C1QTNF2: variants seen among roughly 807,000 people sequenced by gnomAD.
C1QTNF2 encodes the protein C1q and TNF related 2, also known as complement C1q tumor necrosis factor-related protein 2.
C1QTNF2 carries 15 observed loss-of-function variants against 17.4 expected under a neutral mutation model. The observed-to-expected ratio is 0.86, with a 90% CI of 0.58 to 1.33. The LOEUF (loss-of-function observed/expected upper bound fraction) is 1.33, where lower values mean the gene tolerates loss of function less well. C1QTNF2 is among the 40% of genes most tolerant of loss of function. The probability of loss-of-function intolerance (pLI) is 0.00; values close to 1 mark genes in which losing one functional copy is unlikely to be tolerated. For synonymous variants in C1QTNF2, 154 were observed against 163.3 expected (o/e 0.94, Z 0.44); for missense variants, 381 against 392.3 (o/e 0.97, Z 0.24).
intron 1 of C1QTNF2, among the ~76,000 whole-genome samples, chr5:160,356,125 A>G (rs191158552): frequency 1.0e-4 from 16 of 152,384 alleles, no homozygotes; most frequent in Middle Eastern, 3.4e-3. Flanking sequence ...GACCCAGAGC[A>G]GAAATAAGCA....
rs770667542 is a variant in C1QTNF2, at chr5:160,354,782, T to TC, written c.229dup (p.Asp77GlyfsTer13). The TC allele has an allele frequency of 8.7e-6, 14 of 1,613,422 alleles. No homozygotes were observed. The highest frequency in any genetic ancestry group is 1.1e-5 in the Non-Finnish European group (13 of 1,179,876). Reference sequence around the variant, plus strand: ...AGGCCTCTTACCTTCCTCTCCGCTGTCCCCCCGGTCGCCGTCGTGTCCATC... The same window carrying TC: ...AGGCCTCTTACCTTCCTCTCCGCTGTCCCCCCCGGTCGCCGTCGTGTCCATC... On this transcript the variant is annotated frameshift_variant, in exon 2 of 3. Coordinates refer to ENST00000652664, the MANE Select transcript of C1QTNF2 (RefSeq NM_031908.6). LOFTEE classifies it high-confidence loss of function.
intron 1 of C1QTNF2, 32 bp from the exon 2 acceptor site, chr5:160,355,052 G>T: frequency 2.7e-6 from 4 of 1,502,168 alleles, no homozygotes; most frequent in Non-Finnish European, 3.6e-6. Flanking sequence ...TGACAGGTGA[G>T]TGTGGCCACC....
At chr5:160,353,650 C>T (rs1295823831) in intron 2 of C1QTNF2, among the ~76,000 whole-genome samples, 4 of 152,048 alleles carry the variant, frequency 2.6e-5, no homozygotes, top group South Asian at 2.1e-4. Flanking sequence ...AGATGTGGGC[C>T]GGAGCCCAGC....
rs1445139137 is a variant in C1QTNF2, at chr5:160,357,518, TTCTTTCCCTG to T, written c.-9-2508_-9-2499del. Among the ~76,000 whole-genome samples the T allele has an allele frequency of 2.0e-5, 3 of 151,306 alleles. No homozygotes were observed. The South Asian group carries it at 6.2e-4, about 31-fold the overall frequency. On this transcript the variant is annotated intron_variant, in intron 1 of 2. Coordinates refer to ENST00000652664, the MANE Select transcript of C1QTNF2 (RefSeq NM_031908.6). ...CTCCCCAGGCCCTGTGAATCACCAT[TTCTTTCCCTG>T]TCTACGTTAGGAGAGTCTTGGAAAA... is the stretch of plus-strand genomic sequence containing the variant.
Position 160,370,571 on chromosome 5 carries a change from C to T in C1QTNF2, c.-69G>A, listed in dbSNP as rs747271269. The T allele has an allele frequency of 1.4e-6, 2 of 1,447,134 alleles. No homozygotes were observed. The highest frequency in any genetic ancestry group is 5.7e-5 in the East Asian group (2 of 35,302). 89.6% of individuals were successfully genotyped at this position (1,447,134 alleles called of 1,614,324 possible). On this transcript the variant is annotated 5_prime_UTR_variant, in exon 1 of 3. Coordinates refer to ENST00000652664, the MANE Select transcript of C1QTNF2 (RefSeq NM_031908.6). ...GAGCAAAGAAGCTCTCGGCGGGGCT[C>T]CGCGTCCCGGCTTTCCTCAGCGGCA... is the stretch of plus-strand genomic sequence containing the variant.
At chr5:160,359,300 T>C (rs1365082148) in intron 1 of C1QTNF2, among the ~76,000 whole-genome samples, 2 of 146,122 alleles carry the variant, frequency 1.4e-5, no homozygotes, top group African/African-American at 5.1e-5. Context: ...CCCCTGCTAT[T>C]TTCCCCCCAT....
rs1049632409 is a variant in C1QTNF2 at position 160,354,603 on chromosome 5, T to A, written c.244+165A>T. 3.1e-3 allele frequency among the ~76,000 whole-genome samples: 71 copies of A among 23,216 alleles called. 1 individual carries two copies. The highest frequency in any genetic ancestry group is 8.7e-3 in the African/African-American group (66 of 7,562). The allele number at this position is 23,216 out of a possible 152,430, so 15.2% of individuals were successfully genotyped here. The stretch of plus-strand genomic sequence containing the variant: ...CAAGGGGAAAAAAAAAAAAAGTATA[T>A]ATATATATATATATATATATATATA... On this transcript the variant is annotated intron_variant, in intron 2 of 2. Transcript: ENST00000652664.
intron 1 of C1QTNF2, among the ~76,000 whole-genome samples, chr5:160,363,533 G>A (rs1764191324): frequency 6.6e-6 from 1 of 152,186 alleles, no homozygotes; most frequent in Admixed American, 6.5e-5. Context: ...CAGAAGCCAG[G>A]GGTTTGTCTC....
chr5:160,349,759 G>GTT lies in C1QTNF2; in HGVS notation c.265_266dup (p.Asn89LysfsTer69), dbSNP rs1763880751. 6.5e-7 allele frequency: 1 copy of GTT among 1,529,838 alleles called. No homozygotes were observed. The highest frequency in any genetic ancestry group is 1.4e-5 in the African/African-American group (1 of 72,274). The allele number at this position is 1,529,838 out of a possible 1,614,324, so 94.8% of individuals were successfully genotyped here. Reference sequence around the variant, plus strand: ...TGCCCTTTGGTCCTGGCTTTCCCCGGTTACCTGTCCGGCCAGGTGGACCTG... The same window carrying GTT: ...TGCCCTTTGGTCCTGGCTTTCCCCGGTTTTACCTGTCCGGCCAGGTGGACCTG... On this transcript the variant is annotated frameshift_variant, in exon 3 of 3. Transcript: ENST00000652664. LOFTEE classifies it high-confidence loss of function. This position sits in a 1 kb window ranked among gnomAD's most constrained non-coding sequence, Gnocchi z 4.3.
intron 1 of C1QTNF2, among the ~76,000 whole-genome samples, chr5:160,368,153 G>C (rs1000976803): frequency 1.3e-5 from 2 of 152,164 alleles, no homozygotes; most frequent in Non-Finnish European, 2.9e-5. Context: ...GTGTGTTATA[G>C]GAGTAAGCCA....
intron 1 of C1QTNF2, among the ~76,000 whole-genome samples, chr5:160,365,151 G>T (rs1037960603): frequency 6.6e-6 from 1 of 152,114 alleles, no homozygotes; most frequent in African/African-American, 2.4e-5. Context: ...TTTGTAATAG[G>T]CACCTAACAG....
At chr5:160,356,076 A>G (rs1156432876) in intron 1 of C1QTNF2, among the ~76,000 whole-genome samples, 1 of 152,208 alleles carries the variant, frequency 6.6e-6, no homozygotes, top group Admixed American at 6.5e-5. Flanking sequence ...ACCTGGAGGT[A>G]TCTACTCCCT....
At chr5:160,351,336 C>T (rs1053269833) in intron 2 of C1QTNF2, among the ~76,000 whole-genome samples, 4 of 152,140 alleles carry the variant, frequency 2.6e-5, no homozygotes, top group African/African-American at 9.7e-5. Context: ...TGAGTTCACT[C>T]GACACAAGGT....
At chr5:160,361,897 G>A (rs990830905) in intron 1 of C1QTNF2, among the ~76,000 whole-genome samples, 2 of 152,142 alleles carry the variant, frequency 1.3e-5, no homozygotes, top group Non-Finnish European at 2.9e-5. Context: ...GGCCCAATTT[G>A]TGATTATGTA....
intron 2 of C1QTNF2, among the ~76,000 whole-genome samples, chr5:160,351,030 G>T (rs1209652133): frequency 6.6e-6 from 1 of 152,182 alleles, no homozygotes; most frequent in Non-Finnish European, 1.5e-5. Flanking sequence ...GATTACAGGC[G>T]TGAGCCACCA....
rs765093148 is a variant in C1QTNF2 at position 160,370,601 on chromosome 5, C to CCGGG, written c.-103_-100dup. On this transcript the variant is annotated 5_prime_UTR_variant, in exon 1 of 3. The change abolishes the stop of an existing upstream ORF in the 5' untranslated region. Coordinates refer to ENST00000652664, the MANE Select transcript of C1QTNF2 (RefSeq NM_031908.6). The stretch of plus-strand genomic sequence containing the variant: ...TCCCGGCTTTCCTCAGCGGCAGCAG[C>CCGGG]CGGGCAGAGCGTCGGCCCCAGGCAT... The CCGGG allele has an allele frequency of 2.8e-6, 4 of 1,448,488 alleles. No homozygotes were observed. In the South Asian group the frequency reaches 4.4e-5, roughly 16 times the overall value. The allele number at this position is 1,448,488 out of a possible 1,614,324, so 89.7% of individuals were successfully genotyped here.
chr5:160,354,239 C>T (rs1468591971), intron 2 of C1QTNF2, among the ~76,000 whole-genome samples: 2 of 151,940 alleles, frequency 1.3e-5, no homozygotes, highest in Non-Finnish European at 2.9e-5. Flanking sequence ...AAAGGTGCAC[C>T]GGGGGCAGGA....
intron 2 of C1QTNF2, among the ~76,000 whole-genome samples, 171 bp downstream of exon 2, chr5:160,354,597 A>AAAAAAATAT (rs769774870): frequency 2.2e-5 from 2 of 89,302 alleles, no homozygotes; most frequent in Admixed American, 1.2e-4. Flanking sequence ...AAAAAAAAAA[A>AAAAAAATAT]GTATATATAT....
At position 160,369,139 on chromosome 5, in the gene C1QTNF2, A is replaced by G. The variant is rs186654992; in HGVS notation, c.-10+1373T>C. ...GGGAAATACTTTCCGAAAAGACACA[A>G]TCTTGTTAAGGGGTTACCTTTCAGA... On this transcript the variant is annotated intron_variant, in intron 1 of 2. Coordinates refer to ENST00000652664, the MANE Select transcript of C1QTNF2 (RefSeq NM_031908.6). 3.3e-5 allele frequency among the ~76,000 whole-genome samples: 5 copies of G among 151,898 alleles called. No homozygotes were observed. The East Asian group carries it at 5.8e-4, about 18-fold the overall frequency.
Sources: allele counts gnomAD v4.1 joint callset (sites outside exome capture counted in the v4.1 genomes callset), GRCh38; gene constraint gnomAD v4.1.1; non-coding constraint Gnocchi (gnomAD v3.1); transcripts MANE v1.5; gene names NCBI Gene and HGNC (gene_info 2026-07-23, HGNC 2026-07-21).